Variants in ITGBL1 observed in about 807,000 individuals in gnomAD.
ITGBL1 encodes the protein integrin subunit beta like 1, also known as integrin beta-like protein 1.
A neutral mutation model predicts 68.5 loss-of-function variants in ITGBL1; 51 were observed. That is an observed-to-expected ratio of 0.74 (90% CI 0.59 to 0.94). The LOEUF is 0.94. ITGBL1 is among the 40% of genes least tolerant of loss of function. The pLI, the probability that ITGBL1 is intolerant of heterozygous loss-of-function variation, is 0.00. For synonymous variants in ITGBL1, 209 were observed against 227.3 expected, an observed-to-expected ratio of 0.92 and a Z score of 0.72; for missense variants, 649 against 647.4, an observed-to-expected ratio of 1.00 and a Z score of -0.03.
chr13:101,607,155 A>G lies in ITGBL1; in HGVS notation c.1015+8856A>G, dbSNP rs76288912. 1.9e-3 allele frequency among the ~76,000 whole-genome samples: 285 copies of G among 152,174 alleles called. 1 individual carries two copies. Among genetic ancestry groups the G allele is most frequent in the Non-Finnish European group, 3.6e-3 (246 of 67,966 alleles). On this transcript the variant is annotated intron_variant, in intron 7 of 10. Transcript: ENST00000376180. ...GCACTTTGTCAACAGGTAAAATGAT[A>G]AGAACATTGAATACATTTTTAAAAA...
chr13:101,510,660 T>G (rs892770786), intron 2 of ITGBL1, among the ~76,000 whole-genome samples: 1 of 152,104 alleles, frequency 6.6e-6, no homozygotes, highest in African/African-American at 2.4e-5. Flanking sequence ...CCAGCATCTG[T>G]TGTTTTTTGA....
At chr13:101,549,465 A>C (rs191420977) in intron 2 of ITGBL1, among the ~76,000 whole-genome samples, 200 of 152,116 alleles carry the variant, frequency 1.3e-3, no homozygotes, top group African/African-American at 4.4e-3. Flanking sequence ...GAAAAATGCC[A>C]TTTATTAAAA....
intron 7 of ITGBL1, among the ~76,000 whole-genome samples, chr13:101,605,421 CAT>C (rs2030725064): frequency 1.0e-5 from 1 of 97,668 alleles, no homozygotes; most frequent in Non-Finnish European, 2.0e-5. Context: ...TATATATACA[CAT>C]ATATAGACAT....
At position 101,453,932 on chromosome 13, in the gene ITGBL1, C is replaced by T; in HGVS notation, c.148C>T (p.Arg50Cys). The T allele has an allele frequency of 7.2e-7, 1 of 1,393,136 alleles. No homozygotes were observed. Among genetic ancestry groups the T allele is most frequent in the Non-Finnish European group, 9.4e-7 (1 of 1,068,658 alleles). The allele number at this position is 1,393,136 out of a possible 1,614,324, so 86.3% of individuals were successfully genotyped here. The change falls in exon 2 of 11, where the codon CGC becomes TGC. Residue 50 changes from arginine (R) to cysteine (C), a missense_variant. Coordinates refer to ENST00000376180, the MANE Select transcript of ITGBL1 (RefSeq NM_004791.3). Reference protein sequence around the residue: ...CRLSRAESERRCRAPGQPPGA... With the variant: ...CRLSRAESERCCRAPGQPPGA... ...GCTGTCCCGGGCCGAGTCGGAGCGA[C>T]GCTGCCGCGCACCTGGGCAGCCCCC...
At chr13:101,648,892 A>G (rs1426523533) in intron 7 of ITGBL1, among the ~76,000 whole-genome samples, 2 of 152,106 alleles carry the variant, frequency 1.3e-5, no homozygotes, top group Non-Finnish European at 2.9e-5. Flanking sequence ...TGAGTGTTAA[A>G]TTGATCTGTT....
chr13:101,630,152 A>G (rs2031930206), intron 7 of ITGBL1, among the ~76,000 whole-genome samples: 1 of 152,136 alleles, frequency 6.6e-6, no homozygotes, highest in African/African-American at 2.4e-5. Context: ...ATTTCAAAGT[A>G]AATTTTGAAA....
intron 7 of ITGBL1, among the ~76,000 whole-genome samples, chr13:101,679,204 C>T (rs1169657275): frequency 6.6e-6 from 1 of 152,198 alleles, no homozygotes; most frequent in East Asian, 1.9e-4. Context: ...CCGCGCCTGG[C>T]CGAGAAACAC....
chr13:101,598,776 T>A (rs2030156087), intron 7 of ITGBL1, among the ~76,000 whole-genome samples: 1 of 152,218 alleles, frequency 6.6e-6, no homozygotes, highest in African/African-American at 2.4e-5. Context: ...CATCCTTTTT[T>A]ATGGCTGCAC....
intron 2 of ITGBL1, among the ~76,000 whole-genome samples, chr13:101,516,513 C>T (rs1377842417): frequency 6.6e-6 from 1 of 152,106 alleles, no homozygotes; most frequent in Non-Finnish European, 1.5e-5. Flanking sequence ...AGGAAATCCA[C>T]AATATCGCAA....
intron 2 of ITGBL1, among the ~76,000 whole-genome samples, chr13:101,490,628 A>G (rs568009103): frequency 1.3e-5 from 2 of 152,330 alleles, no homozygotes; most frequent in East Asian, 3.9e-4. Flanking sequence ...AGGGATTTGT[A>G]GCCTTGAGAT....
intron 2 of ITGBL1, among the ~76,000 whole-genome samples, chr13:101,524,506 G>A (rs536451973): frequency 7.3e-5 from 11 of 151,712 alleles, no homozygotes; most frequent in African/African-American, 1.9e-4. Context: ...AGATATTGGT[G>A]GTCATTATGC....
Position 101,652,502 on chromosome 13 carries a change from G to T in ITGBL1, c.1016-40083G>T, listed in dbSNP as rs75452614. 9.9e-4 allele frequency among the ~76,000 whole-genome samples: 151 copies of T among 152,298 alleles called. 1 individual carries two copies. Among genetic ancestry groups the T allele is most frequent in the African/African-American group, 3.5e-3 (146 of 41,572 alleles). ...CCAGGAAACTAGTTGACTGGTCATA[G>T]TCACACAGATGCTTCAGGGCAGGCC... On this transcript the variant is annotated intron_variant, in intron 7 of 10. Transcript: ENST00000376180.
intron 7 of ITGBL1, among the ~76,000 whole-genome samples, chr13:101,617,891 A>G (rs2031428784): frequency 6.6e-6 from 1 of 152,164 alleles, no homozygotes; most frequent in African/African-American, 2.4e-5. Flanking sequence ...ATGGATCATG[A>G]AGCAGTAGTA....
At chr13:101,581,452 C>T (rs568589295) in intron 5 of ITGBL1, among the ~76,000 whole-genome samples, 81 of 152,098 alleles carry the variant, frequency 5.3e-4, no homozygotes, top group African/African-American at 1.4e-3. Flanking sequence ...GCTTTCAGTC[C>T]GTATTTATTT....
chr13:101,682,724 T>C (rs916750090), intron 7 of ITGBL1, among the ~76,000 whole-genome samples: 2 of 152,122 alleles, frequency 1.3e-5, no homozygotes, highest in African/African-American at 4.8e-5. Context: ...AGTGTCTATA[T>C]TGTTTGTACA....
At chr13:101,608,057 T>C (rs2030954491) in intron 7 of ITGBL1, among the ~76,000 whole-genome samples, 1 of 152,076 alleles carries the variant, frequency 6.6e-6, no homozygotes, top group African/African-American at 2.4e-5. Flanking sequence ...CACATAACCA[T>C]ACACCCCCAT....
intron 2 of ITGBL1, among the ~76,000 whole-genome samples, chr13:101,547,909 G>GTA (rs34555687): frequency 1.8e-3 from 267 of 149,638 alleles, no homozygotes; most frequent in African/African-American, 3.9e-3. Flanking sequence ...CTGTGTGTGT[G>GTA]TATATATATA....
chr13:101,572,418 G>C (rs780137147), intron 3 of ITGBL1, among the ~76,000 whole-genome samples: 2 of 152,064 alleles, frequency 1.3e-5, no homozygotes, highest in African/African-American at 4.8e-5. Flanking sequence ...GTGAGGCCCC[G>C]GCACCACTGT....
intron 2 of ITGBL1, among the ~76,000 whole-genome samples, chr13:101,464,681 TTATA>T (rs751500718): frequency 4.6e-5 from 7 of 152,132 alleles, no homozygotes; most frequent in Non-Finnish European, 1.0e-4. Flanking sequence ...ATACACATAT[TTATA>T]TATGTATACA....
Sources: gnomAD v4.1 joint callset for allele counts (sites outside exome capture counted in the v4.1 genomes callset) on GRCh38, gnomAD v4.1.1 for gene constraint, MANE v1.5 for transcripts, NCBI Gene and HGNC (gene_info 2026-07-23, HGNC 2026-07-21) for gene names.